The following MBD3 variants were observed in gnomAD, a reference collection of about 807,000 sequenced individuals.
MBD3 encodes the protein methyl-CpG binding domain protein 3, also known as methyl-CpG-binding domain protein 3.
In MBD3, 13 loss-of-function variants were observed where a neutral mutation model predicts 31.2. The ratio of observed to expected loss-of-function variants is 0.42; its 90% CI spans 0.27 to 0.66. The LOEUF (loss-of-function observed/expected upper bound fraction) is 0.66. Ranked by LOEUF, MBD3 falls within the 30% of genes least tolerant of loss-of-function variation. The pLI, the probability that MBD3 is intolerant of heterozygous loss-of-function variation, is 0.26. For synonymous variants in MBD3, 223 were observed against 187.4 expected (o/e 1.19, Z -1.55); for missense variants, 440 against 426.5 (o/e 1.03, Z -0.28).
chr19:1,581,299 T>G lies in MBD3; in HGVS notation c.500-30A>C, dbSNP rs377377062. On this transcript the variant is annotated intron_variant, in intron 4 of 6. Transcript: ENST00000434436. ...CAGGCAGTGGACAAACAGCCGCAAG[T>G]GGAGAGGTCACCACGGGGCAGCTGT... The G allele has an allele frequency of 5.0e-5, 80 of 1,597,770 alleles. No homozygotes were observed. The African/African-American group carries it at 1.0e-3, about 20-fold the overall frequency.
At chr19:1,587,758 G>A (rs2060685974) in intron 1 of MBD3, among the ~76,000 whole-genome samples, 1 of 152,188 alleles carries the variant, frequency 6.6e-6, no homozygotes, top group South Asian at 2.1e-4. Context: ...GCACTTGTAT[G>A]GTGCTTACTA....
At position 1,592,534 on chromosome 19, in the gene MBD3, A is replaced by C; in HGVS notation, c.98T>G (p.Val33Gly). Residue 33 changes from valine (V) to glycine (G), a missense_variant, in exon 1 of 7, where the codon GTC (valine) becomes GGC (glycine). Physicochemically the swap from Val to Gly is moderately radical, Grantham distance 109. This residue lies in a region of MBD3 where 179 missense variants were observed against 134.7 expected (regional missense o/e 1.33). Coordinates refer to ENST00000434436, the MANE Select transcript of MBD3 (RefSeq NM_001281453.2). The part of the protein sequence containing the change: ...RSGLSAGHRD[V>G]FYYSPSGKKF... ...CGCGCTCATTCACCTATAGTAAAAGACATCCCTGTGGCCGGCCGACAGCCC... is the reference window on the plus strand; with the variant it reads ...CGCGCTCATTCACCTATAGTAAAAGCCATCCCTGTGGCCGGCCGACAGCCC... The C allele has an allele frequency of 7.0e-7, 1 of 1,430,618 alleles. No homozygotes were observed. Among genetic ancestry groups the C allele is most frequent in the Non-Finnish European group, 9.4e-7 (1 of 1,068,066 alleles). The allele number at this position is 1,430,618 out of a possible 1,614,324, so 88.6% of individuals were successfully genotyped here. A position where few individuals can be genotyped will look rare whatever the true frequency, so the allele number is the denominator to read the frequency against.
At chr19:1,584,758 C>A (rs1173526363) in intron 2 of MBD3, 81 bp from the exon 3 acceptor site, 2 of 1,442,574 alleles carry the variant, frequency 1.4e-6, no homozygotes, top group South Asian at 2.4e-5. Context: ...CCCGGGTGAC[C>A]CCCTGCTTTG....
chr19:1,584,427 TG>T, intron 3 of MBD3, 112 bp downstream of exon 3: 1 of 1,490,830 alleles, frequency 6.7e-7, no homozygotes, highest in Non-Finnish European at 9.2e-7. Flanking sequence ...CAGGCTAGCC[TG>T]GAACTCCTGC....
intron 2 of MBD3, 166 bp from the exon 3 acceptor site, chr19:1,584,843 G>A (rs2060670495): frequency 8.2e-6 from 8 of 977,650 alleles, no homozygotes; most frequent in East Asian, 3.5e-5. Flanking sequence ...GGGTCGGTCC[G>A]GCCGGCTCTG....
At position 1,575,224 on chromosome 19, in the gene MBD3, G is replaced by A. The variant is rs777682681; in HGVS notation, c.*2940C>T. On this transcript the variant is annotated 3_prime_UTR_variant, in exon 7 of 7. Transcript: ENST00000434436. ...GCGGGCGGATCACCTGAGGTTAGGA[G>A]TTCCAGACCAGACTGGCCAACATGG... 2.3e-6 allele frequency: 1 copy of A among 432,290 alleles called. No individual in the cohort carries two copies. The highest frequency in any genetic ancestry group is 1.6e-5 in the South Asian group (1 of 62,508). 26.8% of individuals were successfully genotyped at this position (432,290 alleles called of 1,614,324 possible). A position where few individuals can be genotyped will look rare whatever the true frequency, so the allele number is the denominator to read the frequency against.
chr19:1,575,256 C>G lies in MBD3; in HGVS notation c.*2908G>C, dbSNP rs1568271094. On this transcript the variant is annotated 3_prime_UTR_variant, in exon 7 of 7. Coordinates refer to ENST00000434436, the MANE Select transcript of MBD3 (RefSeq NM_001281453.2). ...ACCAGACTGGCCAACATGGTGAAACCCTGTCTCTATTAAAAATACAAAAAT... is the reference window on the plus strand; with the variant it reads ...ACCAGACTGGCCAACATGGTGAAACGCTGTCTCTATTAAAAATACAAAAAT... 2 of 428,598 alleles carry G rather than the reference C, an allele frequency of 4.7e-6. No individual in the cohort carries two copies. Among genetic ancestry groups the G allele is most frequent in the Admixed American group, 2.5e-5 (1 of 40,672 alleles). 26.5% of individuals were successfully genotyped at this position (428,598 alleles called of 1,614,324 possible). A position where few individuals can be genotyped will look rare whatever the true frequency, so the allele number is the denominator to read the frequency against.
At chr19:1,591,572 C>T (rs775692016) in intron 1 of MBD3, among the ~76,000 whole-genome samples, 32 of 152,192 alleles carry the variant, frequency 2.1e-4, no homozygotes, top group African/African-American at 7.2e-4. Context: ...TACCCAGGTG[C>T]TCGGCACATG....
intron 2 of MBD3, 73 bp from the exon 3 acceptor site, chr19:1,584,750 C>T: frequency 6.7e-7 from 1 of 1,487,118 alleles, no homozygotes; most frequent in Non-Finnish European, 9.1e-7. Context: ...GTGCGGGGCC[C>T]GGGTGACCCC....
chr19:1,583,860 C>T (rs553816166), intron 3 of MBD3, among the ~76,000 whole-genome samples: 16 of 152,258 alleles, frequency 1.1e-4, no homozygotes, highest in East Asian at 3.9e-4. Context: ...CTCGCTCTGT[C>T]GCCCAGGCAG....
chr19:1,581,042 C>G (rs367849479), intron 5 of MBD3, 50 bp downstream of exon 5: 1 of 1,608,918 alleles, frequency 6.2e-7, no homozygotes, highest in East Asian at 2.2e-5. Context: ...AGGGTCCCCA[C>G]GGCCACAAGA....
chr19:1,575,280 A>T lies in MBD3; in HGVS notation c.*2884T>A. On this transcript the variant is annotated 3_prime_UTR_variant, in exon 7 of 7. Transcript: ENST00000434436. ...CCCTGTCTCTATTAAAAATACAAAA[A>T]TTAGCTGGGCGTGGTGGCTACTCGG... The T allele has an allele frequency of 2.3e-6, 1 of 435,590 alleles. No individual in the cohort carries two copies. Among genetic ancestry groups the T allele is most frequent in the South Asian group, 1.6e-5 (1 of 63,414 alleles). The allele number at this position is 435,590 out of a possible 1,614,324, so 27.0% of individuals were successfully genotyped here.
intron 1 of MBD3, among the ~76,000 whole-genome samples, chr19:1,588,772 G>C (rs2060690592): frequency 8.3e-6 from 1 of 120,450 alleles, no homozygotes; most frequent in Non-Finnish European, 1.6e-5. Flanking sequence ...GAGCAAGACT[G>C]TGTCTCCAAA....
rs752551246 is a variant in MBD3 at position 1,592,661 on chromosome 19, C to CCCGCCG, written c.-36_-31dup. On this transcript the variant is annotated 5_prime_UTR_variant, in exon 1 of 7. Coordinates refer to ENST00000434436, the MANE Select transcript of MBD3 (RefSeq NM_001281453.2). ...CCCGGCTCCTCGGCCCGCCGCCGGGCCCGCCGCCGCCGCCCGGACCCCCAC... is the reference window on the plus strand; with the variant it reads ...CCCGGCTCCTCGGCCCGCCGCCGGGCCCGCCGCCGCCGCCGCCGCCCGGACCCCCAC... 3.9e-6 allele frequency: 4 copies of CCCGCCG among 1,016,552 alleles called. No homozygotes were observed. The highest frequency in any genetic ancestry group is 2.3e-5 in the South Asian group (1 of 43,920). The allele number at this position is 1,016,552 out of a possible 1,614,324, so 63.0% of individuals were successfully genotyped here. A position where few individuals can be genotyped will look rare whatever the true frequency, so the allele number is the denominator to read the frequency against.
At chr19:1,589,372 G>A (rs951707899) in intron 1 of MBD3, among the ~76,000 whole-genome samples, 9 of 140,568 alleles carry the variant, frequency 6.4e-5, no homozygotes, top group African/African-American at 2.7e-5. Context: ...AAAAAAAGAA[G>A]GCAGGCGCAG....
Position 1,585,034 on chromosome 19 carries a change from C to T in MBD3, c.270+21G>A, listed in dbSNP as rs576695328. On this transcript the variant is annotated intron_variant, in intron 2 of 6. Transcript: ENST00000434436. This position sits in a 1 kb window ranked among gnomAD's most constrained non-coding sequence, Gnocchi z 4.1. ...CTAGAACGCCCCGCGCCGACGTCAC[C>T]TGCGTGACGCCACCACTCACCTTGA... is the stretch of plus-strand genomic sequence containing the variant. The T allele has an allele frequency of 1.2e-4, 186 of 1,609,656 alleles. 3 individuals are homozygous for T. In the South Asian group the frequency reaches 2.0e-3, roughly 17 times the overall value.
In MBD3 at chr19:1,582,780, G is replaced by GCTCCAGGGAGGCCCACCTGGC. The variant is rs1428546904; in HGVS notation, c.409-89_409-69dup. 114 of 1,431,864 alleles carry GCTCCAGGGAGGCCCACCTGGC rather than the reference G, an allele frequency of 8.0e-5. 2 individuals carry two copies. In the East Asian group the frequency reaches 1.2e-3, roughly 15 times the overall value. The allele number at this position is 1,431,864 out of a possible 1,614,324, so 88.7% of individuals were successfully genotyped here. On this transcript the variant is annotated intron_variant, in intron 3 of 6. Coordinates refer to ENST00000434436, the MANE Select transcript of MBD3 (RefSeq NM_001281453.2). ...TCTCCCCACTCCAGGTCCTTGCTGG[G>GCTCCAGGGAGGCCCACCTGGC]CTCCAGGGAGGCCCACCTGGCCTCC...
At position 1,585,378 on chromosome 19, in the gene MBD3, GC is replaced by G; in HGVS notation, c.111-165del. 1 of 705,768 alleles carries G rather than the reference GC, an allele frequency of 1.4e-6. No individual in the cohort carries two copies. The highest frequency in any genetic ancestry group is 2.3e-6 in the Non-Finnish European group (1 of 435,188). The allele number at this position is 705,768 out of a possible 1,614,324, so 43.7% of individuals were successfully genotyped here. On this transcript the variant is annotated intron_variant, in intron 1 of 6. Transcript: ENST00000434436. The surrounding 1 kb of genome is among the most constrained non-coding windows in gnomAD (Gnocchi z 4.1). ...CAAACCCAGGCAGGCCCTGGCCCCA[GC>G]CCCAGACCCCAACCCTGGCGTGACC...
At chr19:1,587,410 T>G (rs2060684435) in intron 1 of MBD3, among the ~76,000 whole-genome samples, 1 of 151,150 alleles carries the variant, frequency 6.6e-6, no homozygotes, top group African/African-American at 2.4e-5. Context: ...CTTCATTTCT[T>G]TTTTTTTTCA....
Sources: gnomAD v4.1 joint callset for allele counts (sites outside exome capture counted in the v4.1 genomes callset) on GRCh38, gnomAD v4.1.1 for gene constraint, gnomAD v4.1.1 regional missense constraint, Gnocchi (gnomAD v3.1) non-coding constraint, MANE v1.5 for transcripts, NCBI Gene and HGNC (gene_info 2026-07-23, HGNC 2026-07-21) for gene names.